AUTS2: variants seen among roughly 807,000 people sequenced by gnomAD.
AUTS2 encodes the protein activator of transcription and developmental regulator AUTS2, also known as autism susceptibility gene 2 protein.
A neutral mutation model predicts 112.4 loss-of-function variants in AUTS2; 17 were observed. That is an observed-to-expected ratio of 0.15 (90% confidence interval 0.10 to 0.23). AUTS2 has a LOEUF of 0.23. Among genes scored for constraint, AUTS2 ranks in the 10% least tolerant of loss-of-function variants. The pLI is 1.00. For synonymous variants in AUTS2, 751 were observed against 702.7 expected, an observed-to-expected ratio of 1.07 and a Z score of -1.09; for missense variants, 1,510 against 1,701.6, an observed-to-expected ratio of 0.89 and a Z score of 1.98.
intron 5 of AUTS2, among the ~76,000 whole-genome samples, chr7:70,539,703 A>G (rs1042487179): frequency 1.3e-5 from 2 of 152,110 alleles, no homozygotes; most frequent in African/African-American, 4.8e-5. Flanking sequence ...TTATGCTTTT[A>G]CACTGCGAAT....
intron 1 of AUTS2, among the ~76,000 whole-genome samples, chr7:69,878,425 G>C (rs954712839): frequency 6.6e-6 from 1 of 152,182 alleles, no homozygotes; most frequent in African/African-American, 2.4e-5. Context: ...AAGAACCAGT[G>C]CTCACATCCA....
At chr7:70,424,593 G>A (rs1012836868) in intron 4 of AUTS2, among the ~76,000 whole-genome samples, 1 of 151,944 alleles carries the variant, frequency 6.6e-6, no homozygotes, top group South Asian at 2.1e-4. Flanking sequence ...TTGTTTCTTT[G>A]TTTGTTTGTT....
intron 5 of AUTS2, among the ~76,000 whole-genome samples, chr7:70,677,420 C>G (rs1239332248): frequency 6.6e-6 from 1 of 152,216 alleles, no homozygotes; most frequent in East Asian, 1.9e-4. Context: ...CCTCCACATG[C>G]TTCTGTGTTC....
chr7:69,748,102 T>G lies in AUTS2; in HGVS notation c.309+148140T>G, dbSNP rs1049540083. Among the ~76,000 whole-genome samples the G allele has an allele frequency of 5.9e-5, 9 of 152,148 alleles. No homozygotes were observed. The East Asian group carries it at 1.5e-3, about 26-fold the overall frequency. ...ATATGAAACTTGAGTTATTGAATTT[T>G]GTGTGGAGAGGATGCTTCTCATTAG... On this transcript the variant is annotated intron_variant, in intron 1 of 18. Transcript: ENST00000342771.
chr7:70,005,106 C>T (rs982863563), intron 2 of AUTS2, among the ~76,000 whole-genome samples: 21 of 151,962 alleles, frequency 1.4e-4, no homozygotes, highest in African/African-American at 4.8e-4. Flanking sequence ...ATTAGAGGTG[C>T]GAGCCACCGC....
In AUTS2 at chr7:69,787,855, G is replaced by C. The variant is rs542930558; in HGVS notation, c.310-111431G>C. On this transcript the variant is annotated intron_variant, in intron 1 of 18. Transcript: ENST00000342771. ...CTCCCAAAGTGCTGGGCTTACAGGC[G>C]TTGAGCCACTGCGCCTAGCTGTTAC... Among the ~76,000 whole-genome samples the C allele has an allele frequency of 1.9e-4, 15 of 77,914 alleles. No individual in the cohort carries two copies. In the South Asian group the frequency reaches 6.3e-3, roughly 33 times the overall value. 51.1% of individuals were successfully genotyped at this position (77,914 alleles called of 152,430 possible).
chr7:69,609,031 C>A (rs376247336), intron 1 of AUTS2, among the ~76,000 whole-genome samples: 1 of 152,128 alleles, frequency 6.6e-6, no homozygotes, highest in Non-Finnish European at 1.5e-5. Context: ...CTTTCTAAGC[C>A]GTGTGGCATC....
At chr7:69,760,442 T>C (rs1389084166) in intron 1 of AUTS2, among the ~76,000 whole-genome samples, 1 of 152,040 alleles carries the variant, frequency 6.6e-6, no homozygotes, top group East Asian at 1.9e-4. Context: ...TTAACCTCTT[T>C]ATTTACAGAT....
chr7:69,774,083 C>T (rs1408659813), intron 1 of AUTS2, among the ~76,000 whole-genome samples: 1 of 152,204 alleles, frequency 6.6e-6, no homozygotes, highest in African/African-American at 2.4e-5. Flanking sequence ...CCCACCACCC[C>T]ATGCTACATG....
intron 6 of AUTS2, among the ~76,000 whole-genome samples, chr7:70,740,877 T>G (rs529689277): frequency 2.9e-4 from 44 of 152,192 alleles, no homozygotes; most frequent in Non-Finnish European, 1.3e-4. Context: ...ACGGATCACT[T>G]GCGGTCAGGA....
intron 1 of AUTS2, among the ~76,000 whole-genome samples, chr7:69,884,826 C>T (rs1794203030): frequency 6.6e-6 from 1 of 152,182 alleles, no homozygotes; most frequent in Non-Finnish European, 1.5e-5. Flanking sequence ...TCTTTTCTTG[C>T]CTCAACCGTA....
chr7:70,513,742 C>A (rs994954937), intron 5 of AUTS2, among the ~76,000 whole-genome samples: 1 of 150,758 alleles, frequency 6.6e-6, no homozygotes, highest in African/African-American at 2.5e-5. Flanking sequence ...CTCACTGCAA[C>A]CTCTGCTCCT....
chr7:69,762,394 C>G (rs1788230380), intron 1 of AUTS2, among the ~76,000 whole-genome samples: 1 of 149,098 alleles, frequency 6.7e-6, no homozygotes, highest in Admixed American at 6.8e-5. Flanking sequence ...GCAGCCTCTG[C>G]CTCCCTGGCT....
chr7:70,779,348 G>A (rs530392955), intron 14 of AUTS2, among the ~76,000 whole-genome samples: 8 of 152,142 alleles, frequency 5.3e-5, no homozygotes, highest in Non-Finnish European at 1.2e-4. Flanking sequence ...AAGAGCCTAC[G>A]CCTGCAGGTT....
intron 5 of AUTS2, among the ~76,000 whole-genome samples, chr7:70,662,735 C>T (rs565182559): frequency 2.0e-5 from 3 of 152,162 alleles, no homozygotes; most frequent in African/African-American, 7.2e-5. Flanking sequence ...GATAAGTGAG[C>T]TCTTTTTCAG....
At chr7:70,342,660 A>C (rs1791319887) in intron 4 of AUTS2, among the ~76,000 whole-genome samples, 1 of 152,138 alleles carries the variant, frequency 6.6e-6, no homozygotes, top group African/African-American at 2.4e-5. Context: ...CCATGTGGCT[A>C]ATGGCTACCA....
chr7:69,664,278 G>A (rs188906440), intron 1 of AUTS2, among the ~76,000 whole-genome samples: 35 of 152,220 alleles, frequency 2.3e-4, no homozygotes, highest in African/African-American at 7.5e-4. Context: ...GACAAATAGA[G>A]AATGCAAGAA....
chr7:70,581,594 A>G (rs1239231159), intron 5 of AUTS2, among the ~76,000 whole-genome samples: 1 of 152,124 alleles, frequency 6.6e-6, no homozygotes, highest in African/African-American at 2.4e-5. Context: ...GAGACTAACT[A>G]TGCACACGCC....
chr7:70,072,079 G>A (rs1802798596), intron 2 of AUTS2, among the ~76,000 whole-genome samples: 1 of 152,184 alleles, frequency 6.6e-6, no homozygotes, highest in African/African-American at 2.4e-5. Context: ...TGACAAAAGC[G>A]AGGACATGAT....
Sources: gnomAD v4.1 joint callset for allele counts (sites outside exome capture counted in the v4.1 genomes callset) on GRCh38, gnomAD v4.1.1 for gene constraint, MANE v1.5 for transcripts, NCBI Gene and HGNC (gene_info 2026-07-23, HGNC 2026-07-21) for gene names.